The following PPARGC1B variants were observed in gnomAD, a reference collection of about 807,000 sequenced individuals.
The protein encoded by PPARGC1B is PPARG coactivator 1 beta.
A neutral mutation model predicts 101.6 loss-of-function variants in PPARGC1B; 34 were observed. That is an observed-to-expected ratio of 0.33 (90% CI 0.25 to 0.45). The LOEUF is 0.45. Ranked by LOEUF, PPARGC1B falls within the 20% of genes least tolerant of loss-of-function variation. PPARGC1B has a pLI of 1.00. For synonymous variants in PPARGC1B, 548 were observed against 539.3 expected (o/e 1.02, Z -0.22); for missense variants, 1,234 against 1,317.6 (o/e 0.94, Z 0.98).
rs372417638 is a variant in PPARGC1B at position 149,777,178 on chromosome 5, G to A, written c.79-43255G>A. 3.7e-3 allele frequency among the ~76,000 whole-genome samples: 559 copies of A among 152,172 alleles called. 5 individuals carry two copies. Among genetic ancestry groups the A allele is most frequent in the Middle Eastern group, 0.014 (4 of 292 alleles). On this transcript the variant is annotated intron_variant, in intron 1 of 11. Transcript: ENST00000309241. ...CAGTTTTGTGGCTTTTTTCATCTACGATTTATCAAAAGCACTTAGTATATG... is the reference window on the plus strand; with the variant it reads ...CAGTTTTGTGGCTTTTTTCATCTACAATTTATCAAAAGCACTTAGTATATG...
In PPARGC1B at chr5:149,826,832, C is replaced by G; in HGVS notation, c.412C>G (p.Pro138Ala). The change falls in exon 3 of 12, where the codon CCT becomes GCT. Residue 138 changes from proline (P) to alanine (A), a missense_variant. By Grantham distance (27) the Pro-to-Ala change is conservative. Transcript: ENST00000309241. ...SPAPSSAPPS[P>A]APEKPSAPAP... ...TGCCCCCTCATCTGCACCCCCCAGCCCTGCCCCGGAGAAGCCCTCGGCCCC... is the reference window on the plus strand; with the variant it reads ...TGCCCCCTCATCTGCACCCCCCAGCGCTGCCCCGGAGAAGCCCTCGGCCCC... 2 of 1,613,960 alleles carry G rather than the reference C, an allele frequency of 1.2e-6. No homozygotes were observed. Among genetic ancestry groups the G allele is most frequent in the Non-Finnish European group, 1.7e-6 (2 of 1,179,868 alleles).
At chr5:149,772,157 G>T (rs527309561) in intron 1 of PPARGC1B, 18 of 1,607,810 alleles carry the variant, frequency 1.1e-5, no homozygotes, top group Non-Finnish European at 1.5e-5. Flanking sequence ...TTGGGCCAGA[G>T]GTTGTTTAGG....
At chr5:149,846,069 C>A in intron 11 of PPARGC1B, 155 bp downstream of exon 11, 2 of 813,128 alleles carry the variant, frequency 2.5e-6, no homozygotes, top group South Asian at 1.6e-5. Flanking sequence ...AGCCACTTTG[C>A]CTGAAGACTA....
At chr5:149,787,425 C>T (rs1225085997) in intron 1 of PPARGC1B, among the ~76,000 whole-genome samples, 1 of 152,196 alleles carries the variant, frequency 6.6e-6, no homozygotes, top group East Asian at 1.9e-4. Flanking sequence ...CTGAACCTCT[C>T]CACTTTTATA....
chr5:149,777,205 C>T (rs1454496098), intron 1 of PPARGC1B, among the ~76,000 whole-genome samples: 1 of 152,108 alleles, frequency 6.6e-6, no homozygotes, highest in Non-Finnish European at 1.5e-5. Context: ...TAGTATATGC[C>T]CTGGCTTTAG....
At position 149,847,704 on chromosome 5, in the gene PPARGC1B, T is replaced by TAA. The variant is rs77950425; in HGVS notation, c.*159_*160dup. On this transcript the variant is annotated 3_prime_UTR_variant, in exon 12 of 12. Transcript: ENST00000309241. ...AGAGAGACTTGAAACTGCTGTCCTT[T>TAA]AAAAAAAAAAAAAATCAATGTTTAC... 7.5e-4 allele frequency: 374 copies of TAA among 499,584 alleles called. No individual in the cohort carries two copies. Among genetic ancestry groups the TAA allele is most frequent in the Admixed American group, 1.9e-3 (57 of 30,234 alleles). 30.9% of individuals were successfully genotyped at this position (499,584 alleles called of 1,614,324 possible).
At chr5:149,766,390 C>G (rs1207434142) in intron 1 of PPARGC1B, among the ~76,000 whole-genome samples, 1 of 152,164 alleles carries the variant, frequency 6.6e-6, no homozygotes, top group Non-Finnish European at 1.5e-5. Flanking sequence ...GGGCAGACAG[C>G]TTGACTAGCA....
intron 1 of PPARGC1B, among the ~76,000 whole-genome samples, chr5:149,813,380 C>T (rs1212207605): frequency 1.3e-5 from 2 of 152,200 alleles, no homozygotes; most frequent in Non-Finnish European, 2.9e-5. Context: ...AGCCCAGACT[C>T]CCCACCATCC....
rs753616267 is a variant in PPARGC1B, at chr5:149,833,123, C to T, written c.1050C>T (p.Asp350=). 6.8e-6 allele frequency: 11 copies of T among 1,613,808 alleles called. No individual in the cohort carries two copies. Among genetic ancestry groups the T allele is most frequent in the Admixed American group, 1.7e-5 (1 of 60,030 alleles). ...FSILRELLAQ[D]VLCDVSKPYR... ...TTCTGAGGGAACTTCTGGCTCAAGACGTGCTCTGTGATGTCAGCAAACCCT... is the reference window on the plus strand; with the variant it reads ...TTCTGAGGGAACTTCTGGCTCAAGATGTGCTCTGTGATGTCAGCAAACCCT... Residue 350 remains aspartate, a synonymous_variant, in exon 5 of 12, where the codon GAC becomes GAT. Coordinates refer to ENST00000309241, the MANE Select transcript of PPARGC1B (RefSeq NM_133263.4). This position sits in a 1 kb window ranked among gnomAD's most constrained non-coding sequence, Gnocchi z 4.1.
In PPARGC1B at chr5:149,730,886, C is replaced by G. The variant is rs1019544826; in HGVS notation, c.78+466C>G. ...TCCCCTAGTCCTCCAGGCTGTAGTC[C>G]CCAGAGTGCTGTTGCTGGCCCCCCG... is the stretch of plus-strand genomic sequence containing the variant. On this transcript the variant is annotated intron_variant, in intron 1 of 11. Coordinates refer to ENST00000309241, the MANE Select transcript of PPARGC1B (RefSeq NM_133263.4). The surrounding 1 kb of genome is among the most constrained non-coding windows in gnomAD (Gnocchi z 4.0). Among the ~76,000 whole-genome samples the G allele has an allele frequency of 7.2e-5, 11 of 152,222 alleles. No individual in the cohort carries two copies. The highest frequency in any genetic ancestry group is 8.8e-5 in the Non-Finnish European group (6 of 68,044).
At chr5:149,790,513 G>A (rs775696108) in intron 1 of PPARGC1B, among the ~76,000 whole-genome samples, 39 of 152,108 alleles carry the variant, frequency 2.6e-4, no homozygotes, top group Non-Finnish European at 5.3e-4. Context: ...AGAGTGAGCT[G>A]GTCAGTAGCC....
Position 149,848,408 on chromosome 5 carries a change from G to A in PPARGC1B, c.*850G>A, listed in dbSNP as rs1759655214. 6.6e-6 allele frequency: 1 copy of A among 152,250 alleles called. No homozygotes were observed. Among genetic ancestry groups the A allele is most frequent in the South Asian group, 2.1e-4 (1 of 4,826 alleles). 9.4% of individuals were successfully genotyped at this position (152,250 alleles called of 1,614,324 possible). A position where few individuals can be genotyped will look rare whatever the true frequency, so the allele number is the denominator to read the frequency against. ...TCAAGAGGCGAAATGACTGTGGGAG[G>A]TCCGGTTACCAGTGAGGAGGCAGAG... On this transcript the variant is annotated 3_prime_UTR_variant, in exon 12 of 12. Transcript: ENST00000309241.
At position 149,769,572 on chromosome 5, in the gene PPARGC1B, C is replaced by T. The variant is rs1043715145; in HGVS notation, c.78+39152C>T. ...CTCGTCCTCTCTGGGCTTCAGGTTT[C>T]TCACTTATACGTTGAATGGGGGCTG... On this transcript the variant is annotated intron_variant, in intron 1 of 11. Transcript: ENST00000309241. Among the ~76,000 whole-genome samples the T allele has an allele frequency of 3.9e-5, 6 of 152,290 alleles. No homozygotes were observed. The East Asian group carries it at 1.2e-3, about 29-fold the overall frequency.
intron 9 of PPARGC1B, among the ~76,000 whole-genome samples, chr5:149,840,526 C>T (rs1478211480): frequency 6.6e-6 from 1 of 152,172 alleles, no homozygotes; most frequent in Non-Finnish European, 1.5e-5. Context: ...CCGAGCCTCA[C>T]TTTTCCTCAT....
intron 1 of PPARGC1B, among the ~76,000 whole-genome samples, chr5:149,785,160 C>G (rs1056043543): frequency 1.3e-5 from 2 of 152,230 alleles, no homozygotes; most frequent in Non-Finnish European, 2.9e-5. Flanking sequence ...AGGCAGGCCT[C>G]TTCCCATGTG....
In PPARGC1B at chr5:149,833,047, C is replaced by T; in HGVS notation, c.974C>T (p.Ser325Phe). 6.2e-7 allele frequency: 1 copy of T among 1,613,872 alleles called. No homozygotes were observed. The highest frequency in any genetic ancestry group is 8.5e-7 in the Non-Finnish European group (1 of 1,180,016). ...AGCAACCCCTCCCAGCAGGTCAGAT[C>T]CCGGCCCTGGTCCCGGCACCACTCC... ...ACSNPSQQVR[S>F]RPWSRHHSKA... is the part of the protein sequence containing the mutation. Residue 325 changes from serine (S) to phenylalanine (F), a missense_variant, in exon 5 of 12, where the codon TCC becomes TTC. Physicochemically the swap from Ser to Phe is radical, Grantham distance 155 (BLOSUM62 -2). Around this residue, in one of 3 missense-constraint regions of PPARGC1B, gnomAD observed 734 missense variants for 768.4 expected, o/e 0.96. Transcript: ENST00000309241. This position sits in a 1 kb window ranked among gnomAD's most constrained non-coding sequence, Gnocchi z 4.1.
intron 1 of PPARGC1B, among the ~76,000 whole-genome samples, chr5:149,792,457 G>A (rs1757055606): frequency 6.6e-6 from 1 of 152,146 alleles, no homozygotes; most frequent in Non-Finnish European, 1.5e-5. Context: ...GGGAGTGGTG[G>A]GACAGGGTTG....
At chr5:149,793,160 T>C (rs914798171) in intron 1 of PPARGC1B, among the ~76,000 whole-genome samples, 2 of 152,048 alleles carry the variant, frequency 1.3e-5, no homozygotes, top group Non-Finnish European at 2.9e-5. Flanking sequence ...TGGTGGACTT[T>C]CCCTCACACA....
intron 1 of PPARGC1B, among the ~76,000 whole-genome samples, chr5:149,820,147 A>C (rs1164912934): frequency 6.6e-6 from 1 of 152,224 alleles, no homozygotes; most frequent in Admixed American, 6.5e-5. Flanking sequence ...AGTTTTCAAC[A>C]AAACAGTTCT....
Sources: allele counts gnomAD v4.1 joint callset (sites outside exome capture counted in the v4.1 genomes callset), GRCh38; gene constraint gnomAD v4.1.1; regional missense constraint gnomAD v4.1.1; non-coding constraint Gnocchi (gnomAD v3.1); transcripts MANE v1.5; gene names NCBI Gene and HGNC (gene_info 2026-07-23, HGNC 2026-07-21).